The following CFAP58 variants were observed in gnomAD, a reference collection of about 807,000 sequenced individuals.
The protein encoded by CFAP58 is cilia- and flagella-associated protein 58.
Under a neutral mutation model 119.5 loss-of-function variants are expected in CFAP58, and 88 were observed. The ratio of observed to expected loss-of-function variants is 0.74; its 90% CI spans 0.62 to 0.88. CFAP58 has a LOEUF of 0.88. Ranked by LOEUF, CFAP58 falls within the 40% of genes least tolerant of loss-of-function variation. CFAP58 has a pLI of 0.00. For synonymous variants in CFAP58, 365 were observed against 366.3 expected (o/e 1.00, Z 0.04); for missense variants, 990 against 1,021.2 (o/e 0.97, Z 0.42).
chr10:104,419,304 C>T (rs1020228660), intron 15 of CFAP58, among the ~76,000 whole-genome samples: 3 of 152,088 alleles, frequency 2.0e-5, no homozygotes, highest in Non-Finnish European at 4.4e-5. Context: ...TGAACATTCT[C>T]AGAGGGTGGG....
upstream of CFAP58, among the ~76,000 whole-genome samples, chr10:104,349,954 AC>A (rs2014440449): frequency 6.6e-6 from 1 of 152,200 alleles, no homozygotes; most frequent in African/African-American, 2.4e-5. Flanking sequence ...AATTGAAAGA[AC>A]CAGTGTAACA....
chr10:104,414,318 C>T (rs1180697115), intron 15 of CFAP58, among the ~76,000 whole-genome samples: 2 of 152,212 alleles, frequency 1.3e-5, no homozygotes, highest in Non-Finnish European at 2.9e-5. Flanking sequence ...GGATAGTTTA[C>T]AACCTCTAGC....
intron 9 of CFAP58, among the ~76,000 whole-genome samples, 200 bp downstream of exon 9, chr10:104,380,420 A>G (rs1181283287): frequency 6.6e-6 from 1 of 152,164 alleles, no homozygotes; most frequent in African/African-American, 2.4e-5. Flanking sequence ...GACAATGTTT[A>G]TGCTTGGTGC....
At chr10:104,440,058 G>A (rs1454135965) in intron 15 of CFAP58, among the ~76,000 whole-genome samples, 1 of 152,128 alleles carries the variant, frequency 6.6e-6, no homozygotes, top group African/African-American at 2.4e-5. Context: ...TCCTGACCTC[G>A]TGATCCACCC....
intron 15 of CFAP58, among the ~76,000 whole-genome samples, chr10:104,438,346 TTG>T (rs1486230179): frequency 7.5e-5 from 5 of 66,906 alleles, no homozygotes; most frequent in African/African-American, 4.7e-4. Flanking sequence ...TTTTTGTTTT[TTG>T]TTTTTTTTTT....
At chr10:104,339,493 G>A in the CFAP58 span, among the ~76,000 whole-genome samples, 2 of 152,176 alleles carry the variant, frequency 1.3e-5, no homozygotes, top group Non-Finnish European at 2.9e-5. Flanking sequence ...TCCATTAAGC[G>A]GCTTTGGGGG....
At chr10:104,340,101 A>C in the CFAP58 span, among the ~76,000 whole-genome samples, 1 of 152,142 alleles carries the variant, frequency 6.6e-6, no homozygotes, top group Non-Finnish European at 1.5e-5. Context: ...TTTTGCTTTT[A>C]ACCTGATGAT....
the CFAP58 span, among the ~76,000 whole-genome samples, chr10:104,345,574 A>T: frequency 6.6e-6 from 1 of 152,104 alleles, no homozygotes. Context: ...ATGGGGCAGC[A>T]CCATAGATGT....
intron 16 of CFAP58, 131 bp from the exon 17 acceptor site, chr10:104,449,940 G>A (rs2013167873): frequency 1.2e-6 from 1 of 849,364 alleles, no homozygotes; most frequent in East Asian, 2.6e-5. Context: ...GTGGAAGCAT[G>A]CAGATTAATT....
intron 10 of CFAP58, among the ~76,000 whole-genome samples, 176 bp from the exon 11 acceptor site, chr10:104,393,153 A>G (rs1474209784): frequency 6.6e-6 from 1 of 152,212 alleles, no homozygotes; most frequent in African/African-American, 2.4e-5. Flanking sequence ...AGTTAATACA[A>G]TAAAGTACTT....
intron 15 of CFAP58, among the ~76,000 whole-genome samples, chr10:104,440,415 A>G (rs2013019174): frequency 6.6e-6 from 1 of 152,114 alleles, no homozygotes; most frequent in Non-Finnish European, 1.5e-5. Context: ...GTAATCTGAT[A>G]CCCATCCTTG....
intron 15 of CFAP58, among the ~76,000 whole-genome samples, chr10:104,440,981 A>C (rs1179925513): frequency 6.6e-6 from 1 of 152,196 alleles, no homozygotes; most frequent in Non-Finnish European, 1.5e-5. Flanking sequence ...ATAACTGGAT[A>C]CTAAACTCTA....
intron 15 of CFAP58, among the ~76,000 whole-genome samples, 195 bp from the exon 16 acceptor site, chr10:104,447,503 A>G (rs1415074809): frequency 6.6e-6 from 1 of 152,052 alleles, no homozygotes; most frequent in African/African-American, 2.4e-5. Context: ...TTGTATCCAA[A>G]TGTTGGGGAC....
chr10:104,363,110 A>G (rs1221268946), intron 3 of CFAP58, among the ~76,000 whole-genome samples: 9 of 152,190 alleles, frequency 5.9e-5, no homozygotes, highest in Admixed American at 3.3e-4. Context: ...CCAGACTCCA[A>G]TGACCACACA....
At chr10:104,410,428 C>T (rs561908687) in intron 15 of CFAP58, among the ~76,000 whole-genome samples, 46 of 152,250 alleles carry the variant, frequency 3.0e-4, no homozygotes, top group African/African-American at 1.0e-3. Flanking sequence ...AGTTCTTTAA[C>T]CAATAGATTT....
chr10:104,350,068 C>T (rs539330800), upstream of CFAP58, among the ~76,000 whole-genome samples: 6 of 152,278 alleles, frequency 3.9e-5, no homozygotes, highest in East Asian at 5.8e-4. Context: ...TATCCTGTCT[C>T]GGACTGTTGT....
intron 15 of CFAP58, among the ~76,000 whole-genome samples, chr10:104,440,349 A>T (rs201053874): frequency 1.3e-4 from 5 of 39,184 alleles, no homozygotes; most frequent in African/African-American, 8.2e-4. Context: ...GTTGAATTTT[A>T]AAAAAACCAC....
At chr10:104,430,989 G>A (rs1166678379) in intron 15 of CFAP58, among the ~76,000 whole-genome samples, 2 of 152,094 alleles carry the variant, frequency 1.3e-5, no homozygotes, top group Admixed American at 6.5e-5. Context: ...TGATAGCCAC[G>A]GGTGGCTAGT....
intron 15 of CFAP58, among the ~76,000 whole-genome samples, chr10:104,419,985 C>T (rs1470315199): frequency 6.6e-6 from 1 of 152,114 alleles, no homozygotes; most frequent in Non-Finnish European, 1.5e-5. Context: ...TGCAATAACC[C>T]TGTTTTGCAG....
Sources: allele counts gnomAD v4.1 joint callset (sites outside exome capture counted in the v4.1 genomes callset), GRCh38; gene constraint gnomAD v4.1.1; transcripts MANE v1.5; gene names NCBI Gene and HGNC (gene_info 2026-07-23, HGNC 2026-07-21).